TMEM132C: variants seen among roughly 807,000 people sequenced by gnomAD.
TMEM132C encodes protein phosphatase 1, regulatory subunit 152.
TMEM132C carries 29 observed loss-of-function variants against 61.4 expected under a neutral mutation model. That is an observed-to-expected ratio of 0.47 (90% CI 0.35 to 0.64). The LOEUF (loss-of-function observed/expected upper bound fraction) is 0.64. Ranked by LOEUF, TMEM132C falls within the 30% of genes least tolerant of loss-of-function variation. TMEM132C has a pLI of 0.00. For synonymous variants in TMEM132C, 656 were observed against 633.1 expected (o/e 1.04, Z -0.54); for missense variants, 1,408 against 1,476.9 (o/e 0.95, Z 0.76).
intron 1 of TMEM132C, among the ~76,000 whole-genome samples, chr12:128,405,070 C>G (rs960431070): frequency 6.8e-6 from 1 of 146,374 alleles, no homozygotes; most frequent in Non-Finnish European, 1.5e-5. Flanking sequence ...TTGGACTTTT[C>G]CAGGGGTATT....
chr12:128,329,078 C>T (rs940039890), intron 1 of TMEM132C, among the ~76,000 whole-genome samples: 4 of 152,150 alleles, frequency 2.6e-5, no homozygotes, highest in African/African-American at 9.7e-5. Flanking sequence ...AAGGAGCAGG[C>T]CTGCTCTTTG....
At chr12:128,476,956 A>C (rs758750609) in intron 2 of TMEM132C, among the ~76,000 whole-genome samples, 38 of 152,196 alleles carry the variant, frequency 2.5e-4, no homozygotes, top group Non-Finnish European at 5.0e-4. Context: ...ATAAAACCTC[A>C]CTTTCACTTG....
At chr12:128,566,304 C>T (rs1402362852) in intron 3 of TMEM132C, among the ~76,000 whole-genome samples, 1 of 150,942 alleles carries the variant, frequency 6.6e-6, no homozygotes, top group Non-Finnish European at 1.5e-5. Flanking sequence ...TGAGGATGAA[C>T]ATAGGTCTAA....
intron 3 of TMEM132C, among the ~76,000 whole-genome samples, chr12:128,576,127 T>C (rs1176703320): frequency 1.3e-5 from 2 of 152,078 alleles, no homozygotes; most frequent in Non-Finnish European, 2.9e-5. Flanking sequence ...TGGTGGTGCA[T>C]GTCTGTAATC....
chr12:128,281,400 A>G (rs1444813536), intron 1 of TMEM132C, among the ~76,000 whole-genome samples: 1 of 152,182 alleles, frequency 6.6e-6, no homozygotes, highest in Non-Finnish European at 1.5e-5. Flanking sequence ...CCTGAATCAA[A>G]TCCCTGCTCC....
chr12:128,671,839 C>T lies in TMEM132C; in HGVS notation c.1449+2279C>T, dbSNP rs557677794. On this transcript the variant is annotated intron_variant, in intron 5 of 8. Coordinates refer to ENST00000435159, the MANE Select transcript of TMEM132C (RefSeq NM_001136103.3). ...AAAGGGCTTTTTTCCCTAATTTACC[C>T]GGAAGTGATATATGACCTGGTGGTG... Among the ~76,000 whole-genome samples, 7 of 152,216 alleles carry T rather than the reference C, an allele frequency of 4.6e-5. No homozygotes were observed. In the South Asian group the frequency reaches 8.3e-4, roughly 18 times the overall value.
At chr12:128,665,808 G>A (rs1954458677) in intron 4 of TMEM132C, among the ~76,000 whole-genome samples, 1 of 102,226 alleles carries the variant, frequency 9.8e-6, no homozygotes, top group African/African-American at 4.5e-5. Context: ...CACATTCACA[G>A]GCACACACAC....
intron 2 of TMEM132C, among the ~76,000 whole-genome samples, chr12:128,445,938 A>C (rs1869966363): frequency 1.3e-5 from 2 of 152,152 alleles, no homozygotes; most frequent in Admixed American, 1.3e-4. Flanking sequence ...TTGAGTCATA[A>C]TGAACGTGAG....
At chr12:128,332,801 C>A (rs566039651) in intron 1 of TMEM132C, among the ~76,000 whole-genome samples, 46 of 152,326 alleles carry the variant, frequency 3.0e-4, no homozygotes, top group African/African-American at 8.7e-4. Context: ...GGCATGTTCC[C>A]AATCATCTCT....
intron 1 of TMEM132C, among the ~76,000 whole-genome samples, chr12:128,401,565 T>C (rs536401808): frequency 5.3e-5 from 8 of 152,276 alleles, no homozygotes; most frequent in African/African-American, 1.9e-4. Context: ...TGATGTAATT[T>C]TCGGAAAGGA....
At chr12:128,310,150 T>C (rs1871921222) in intron 1 of TMEM132C, among the ~76,000 whole-genome samples, 1 of 152,232 alleles carries the variant, frequency 6.6e-6, no homozygotes, top group South Asian at 2.1e-4. Flanking sequence ...TTGACTATTG[T>C]GAATAATGCT....
intron 2 of TMEM132C, among the ~76,000 whole-genome samples, chr12:128,427,260 G>T (rs1268182577): frequency 6.6e-6 from 1 of 152,108 alleles, no homozygotes; most frequent in South Asian, 2.1e-4. Flanking sequence ...CATTTTGATT[G>T]CATCGTGCTT....
intron 1 of TMEM132C, among the ~76,000 whole-genome samples, chr12:128,306,410 G>T (rs900553616): frequency 6.6e-6 from 1 of 151,968 alleles, no homozygotes; most frequent in African/African-American, 2.4e-5. Flanking sequence ...CATCGTGTTA[G>T]CCAGGATGGT....
chr12:128,370,157 T>C (rs1873987234), intron 1 of TMEM132C, among the ~76,000 whole-genome samples: 2 of 152,214 alleles, frequency 1.3e-5, no homozygotes, highest in South Asian at 4.2e-4. Flanking sequence ...GATGGGCAGA[T>C]GCCCTGGCCA....
intron 2 of TMEM132C, among the ~76,000 whole-genome samples, chr12:128,483,698 C>T (rs1246730632): frequency 2.6e-5 from 4 of 152,146 alleles, no homozygotes; most frequent in Non-Finnish European, 5.9e-5. Flanking sequence ...AGAACTGGCT[C>T]TTCAGAGCCC....
intron 1 of TMEM132C, among the ~76,000 whole-genome samples, chr12:128,319,057 G>A (rs1872240673): frequency 6.6e-6 from 1 of 152,276 alleles, no homozygotes; most frequent in South Asian, 2.1e-4. Context: ...TTGTGACTTA[G>A]ACTGAGATGT....
intron 4 of TMEM132C, among the ~76,000 whole-genome samples, chr12:128,620,966 C>G (rs1327682421): frequency 6.6e-6 from 1 of 152,042 alleles, no homozygotes; most frequent in Non-Finnish European, 1.5e-5. Flanking sequence ...TCTGGGGTGT[C>G]ATAGAGATTC....
chr12:128,556,347 G>A (rs565789160), intron 3 of TMEM132C, among the ~76,000 whole-genome samples: 2 of 152,310 alleles, frequency 1.3e-5, no homozygotes, highest in South Asian at 2.1e-4. Flanking sequence ...TAGATGCTGG[G>A]CAGTGAAAGC....
intron 2 of TMEM132C, among the ~76,000 whole-genome samples, chr12:128,486,043 C>T (rs749170073): frequency 1.3e-5 from 2 of 152,238 alleles, no homozygotes; most frequent in South Asian, 2.1e-4. Context: ...GGGACTGACA[C>T]GTTGTGTGTT....
Sources: allele counts gnomAD v4.1 joint callset (sites outside exome capture counted in the v4.1 genomes callset), GRCh38; gene constraint gnomAD v4.1.1; transcripts MANE v1.5; gene names NCBI Gene and HGNC (gene_info 2026-07-23, HGNC 2026-07-21).